The following HSD17B2 variants were observed in gnomAD, a reference collection of about 807,000 sequenced individuals.
HSD17B2 encodes the protein 17-beta-hydroxysteroid dehydrogenase type 2.
HSD17B2 carries 32 observed loss-of-function variants against 26.9 expected under a neutral mutation model. That is an observed-to-expected ratio of 1.19 (90% CI 0.90 to 1.60). The LOEUF (loss-of-function observed/expected upper bound fraction) is 1.60. Ranked by LOEUF, HSD17B2 falls within the 40% of genes most tolerant of loss-of-function variation. The probability of loss-of-function intolerance (pLI) is 0.00; values close to 1 mark genes in which losing one functional copy is unlikely to be tolerated. For missense variants in HSD17B2, 613 were observed against 468.6 expected (o/e 1.31, Z -2.85); for synonymous variants, 246 against 186.7 (o/e 1.32, Z -2.59).
At chr16:82,062,933 G>A (rs1914480618) in intron 1 of HSD17B2, among the ~76,000 whole-genome samples, 1 of 152,178 alleles carries the variant, frequency 6.6e-6, no homozygotes, top group African/African-American at 2.4e-5. Flanking sequence ...TAGACACCAG[G>A]CCTAGCACAG....
chr16:82,066,983 G>C (rs1646398902), intron 1 of HSD17B2, among the ~76,000 whole-genome samples: 1 of 152,164 alleles, frequency 6.6e-6, no homozygotes, highest in South Asian at 2.1e-4. Context: ...TAAATACTGA[G>C]ACTTTTTGGG....
intron 3 of HSD17B2, among the ~76,000 whole-genome samples, chr16:82,077,880 T>A (rs1365271479): frequency 6.6e-6 from 1 of 152,064 alleles, no homozygotes; most frequent in Admixed American, 6.6e-5. Flanking sequence ...TCTTACCATA[T>A]AAAAAAATCA....
At chr16:82,042,144 C>T (rs1468367342) in intron 1 of HSD17B2, among the ~76,000 whole-genome samples, 1 of 151,874 alleles carries the variant, frequency 6.6e-6, no homozygotes, top group African/African-American at 2.4e-5. Context: ...GCTGGGATTA[C>T]AGGGGCCCAC....
At chr16:82,076,272 G>A (rs186998109) in intron 3 of HSD17B2, among the ~76,000 whole-genome samples, 1 of 152,256 alleles carries the variant, frequency 6.6e-6, no homozygotes. Flanking sequence ...TAGACCTATA[G>A]CTACTGTCAT....
chr16:82,058,514 A>G (rs1043163647), intron 1 of HSD17B2, among the ~76,000 whole-genome samples: 8 of 152,218 alleles, frequency 5.3e-5, no homozygotes, highest in Admixed American at 5.2e-4. Flanking sequence ...TTAGGTTGCA[A>G]GCATAAAGTG....
At chr16:82,081,442 C>A (rs1359083391) in intron 3 of HSD17B2, among the ~76,000 whole-genome samples, 1 of 152,114 alleles carries the variant, frequency 6.6e-6, no homozygotes, top group Non-Finnish European at 1.5e-5. Flanking sequence ...ACTCTCAATA[C>A]TTTTCTCTTT....
intron 1 of HSD17B2, among the ~76,000 whole-genome samples, chr16:82,058,490 A>G (rs1003722436): frequency 6.6e-6 from 1 of 152,216 alleles, no homozygotes; most frequent in African/African-American, 2.4e-5. Context: ...TTTTTAAAAA[A>G]TGTGCATCTT....
chr16:82,054,695 C>T (rs576351768), intron 1 of HSD17B2, among the ~76,000 whole-genome samples: 133 of 152,324 alleles, frequency 8.7e-4, no homozygotes, highest in African/African-American at 3.1e-3. Context: ...CTTGATTTCC[C>T]AACCTCCAGA....
chr16:82,080,406 G>C (rs1210264121), intron 3 of HSD17B2, among the ~76,000 whole-genome samples: 1 of 152,154 alleles, frequency 6.6e-6, no homozygotes, highest in Non-Finnish European at 1.5e-5. Flanking sequence ...GTCAGAGTCA[G>C]AGAGAAACTG....
chr16:82,066,983 G>A (rs1646398902), intron 1 of HSD17B2, among the ~76,000 whole-genome samples: 1 of 152,282 alleles, frequency 6.6e-6, no homozygotes, highest in African/African-American at 2.4e-5. Flanking sequence ...TAAATACTGA[G>A]ACTTTTTGGG....
chr16:82,051,992 C>T (rs917736645), intron 1 of HSD17B2, among the ~76,000 whole-genome samples: 2 of 152,218 alleles, frequency 1.3e-5, no homozygotes, highest in African/African-American at 4.8e-5. Context: ...AAGGGCTCAC[C>T]ATCACCAAGG....
At chr16:82,042,095 C>G (rs1913782719) in intron 1 of HSD17B2, among the ~76,000 whole-genome samples, 1 of 151,778 alleles carries the variant, frequency 6.6e-6, no homozygotes, top group African/African-American at 2.4e-5. Context: ...CTCTGCCTTC[C>G]AGGTTCAAGC....
At chr16:82,048,641 T>A (rs1001653156) in intron 1 of HSD17B2, among the ~76,000 whole-genome samples, 6 of 152,236 alleles carry the variant, frequency 3.9e-5, no homozygotes, top group African/African-American at 1.4e-4. Flanking sequence ...TGATAACTGA[T>A]GAACTAGGAG....
chr16:82,064,144 A>C (rs1348590674), intron 1 of HSD17B2, among the ~76,000 whole-genome samples: 1 of 152,222 alleles, frequency 6.6e-6, no homozygotes, highest in Non-Finnish European at 1.5e-5. Context: ...GAACTTTCCT[A>C]AGAGAGTCAG....
intron 3 of HSD17B2, among the ~76,000 whole-genome samples, chr16:82,075,670 G>C (rs1286406158): frequency 6.6e-6 from 1 of 152,006 alleles, no homozygotes; most frequent in African/African-American, 2.4e-5. Flanking sequence ...AACCATGAAG[G>C]AATCCATAAC....
intron 1 of HSD17B2, among the ~76,000 whole-genome samples, chr16:82,039,348 A>G (rs67007789): frequency 3.1e-4 from 40 of 130,444 alleles, no homozygotes; most frequent in South Asian, 2.2e-3. Context: ...AGAGAGAGAG[A>G]GAGGGAGAGA....
intron 1 of HSD17B2, among the ~76,000 whole-genome samples, chr16:82,041,997 C>CTTT (rs537013953): frequency 1.7e-4 from 24 of 141,672 alleles, no homozygotes; most frequent in Admixed American, 5.7e-4. Flanking sequence ...CTTTTCTTTT[C>CTTT]TTTTTTTTTT....
In HSD17B2 at chr16:82,063,952, A is replaced by G; in HGVS notation, c.266-4218A>G. Among the ~76,000 whole-genome samples, 2 of 152,348 alleles carry G rather than the reference A, an allele frequency of 1.3e-5. 1 individual carries two copies. Among genetic ancestry groups the G allele is most frequent in the Admixed American group, 1.3e-4 (2 of 15,310 alleles). On this transcript the variant is annotated intron_variant, in intron 1 of 4. Coordinates refer to ENST00000199936, the MANE Select transcript of HSD17B2 (RefSeq NM_002153.3). The stretch of plus-strand genomic sequence containing the variant: ...TGGAGGCTCTGGGTCTGGCCTTGTC[A>G]TAGGTAAACAAGTGGGGGCACCTAT...
At chr16:82,061,873 G>C (rs1914447902) in intron 1 of HSD17B2, among the ~76,000 whole-genome samples, 1 of 152,096 alleles carries the variant, frequency 6.6e-6, no homozygotes, top group Admixed American at 6.5e-5. Context: ...CCTTCTTTCT[G>C]AATGTAGCTT....
Sources: allele counts gnomAD v4.1 joint callset (sites outside exome capture counted in the v4.1 genomes callset), GRCh38; gene constraint gnomAD v4.1.1; transcripts MANE v1.5; gene names NCBI Gene and HGNC (gene_info 2026-07-23, HGNC 2026-07-21).